The following ADD1 variants were observed in gnomAD, a reference collection of about 807,000 sequenced individuals.
ADD1 encodes the protein adducin 1, also known as alpha-adducin.
A neutral mutation model predicts 80.5 loss-of-function variants in ADD1; 24 were observed. The ratio of observed to expected loss-of-function variants is 0.30; its 90% CI spans 0.22 to 0.42. The LOEUF is 0.42. Among genes scored for constraint, ADD1 ranks in the 10% least tolerant of loss-of-function variants. The probability of loss-of-function intolerance (pLI) is 1.00; values close to 1 mark genes in which losing one functional copy is unlikely to be tolerated. For missense variants in ADD1, 948 were observed against 1,019.0 expected (o/e 0.93, Z 0.95); for synonymous variants, 373 against 393.8 (o/e 0.95, Z 0.63).
intron 2 of ADD1, among the ~76,000 whole-genome samples, chr4:2,879,313 G>T (rs1731851928): frequency 6.6e-6 from 1 of 152,142 alleles, no homozygotes; most frequent in African/African-American, 2.4e-5. Context: ...TTTATGCATA[G>T]GGCTCCTGTA....
chr4:2,900,792 G>A (rs1736048913), intron 9 of ADD1: 1 of 152,218 alleles, frequency 6.6e-6, no homozygotes, highest in Non-Finnish European at 1.5e-5. Context: ...GTGACACAGG[G>A]ACGAACAGAG....
chr4:2,848,422 T>C (rs1446319961), intron 1 of ADD1, among the ~76,000 whole-genome samples: 1 of 152,200 alleles, frequency 6.6e-6, no homozygotes, highest in African/African-American at 2.4e-5. Flanking sequence ...TGTGTAACAC[T>C]GTTTTTGATA....
chr4:2,911,448 A>ATATATTTT (rs553567632), intron 13 of ADD1, among the ~76,000 whole-genome samples: 169 of 130,484 alleles, frequency 1.3e-3, no homozygotes, highest in African/African-American at 4.9e-3. Context: ...ATATATATAT[A>ATATATTTT]TTTTTTTTTT....
chr4:2,901,855 C>CCA (rs1560218117), intron 9 of ADD1: 1 of 149,466 alleles, frequency 6.7e-6, no homozygotes, highest in South Asian at 2.1e-4. Context: ...ATTGTCCCCC[C>CCA]CCCAAAAAAA....
chr4:2,914,058 C>CAAAA (rs775339952), intron 13 of ADD1, among the ~76,000 whole-genome samples: 24,708 of 119,778 alleles, frequency 0.21, 2,354 homozygotes, highest in East Asian at 0.44. Flanking sequence ...GACTCCGTCT[C>CAAAA]AAAAAAAAAA....
chr4:2,902,107 T>TA (rs1736294084), intron 9 of ADD1: 1 of 152,174 alleles, frequency 6.6e-6, no homozygotes, highest in African/African-American at 2.4e-5. Context: ...GTCTGAGTAT[T>TA]ACTTCTGGTT....
intron 1 of ADD1, among the ~76,000 whole-genome samples, chr4:2,852,143 TTTC>T (rs1727200873): frequency 1.5e-5 from 1 of 68,382 alleles, no homozygotes; most frequent in South Asian, 5.2e-4. Context: ...GCCTCTTTTC[TTTC>T]TTTCTTTCTT....
In ADD1 at chr4:2,926,526, A is replaced by C; in HGVS notation, c.2047+414A>C. ...GTCTGTCCCTCGGTCTCGTACATCC[A>C]TGTCTCTCGTGAAGCCCGTGGCCCT... On this transcript the variant is annotated intron_variant, in intron 15 of 15. Transcript: ENST00000683351. This position sits in a 1 kb window ranked among gnomAD's most constrained non-coding sequence, Gnocchi z 5.0. 5 of 1,108,230 alleles carry C rather than the reference A, an allele frequency of 4.5e-6. No individual in the cohort carries two copies. The highest frequency in any genetic ancestry group is 6.7e-6 in the Non-Finnish European group (5 of 745,980). The allele number at this position is 1,108,230 out of a possible 1,614,324, so 68.6% of individuals were successfully genotyped here. A position where few individuals can be genotyped will look rare whatever the true frequency, so the allele number is the denominator to read the frequency against.
At chr4:2,861,546 T>C in intron 1 of ADD1, among the ~76,000 whole-genome samples, 1 of 152,202 alleles carries the variant, frequency 6.6e-6, no homozygotes. Context: ...CATTTGGACA[T>C]ACAAGTTTGG....
chr4:2,846,356 G>T (rs1726197130), intron 1 of ADD1, among the ~76,000 whole-genome samples: 1 of 152,172 alleles, frequency 6.6e-6, no homozygotes, highest in Non-Finnish European at 1.5e-5. Flanking sequence ...CTGGTGGTTA[G>T]ATCTAAAGGT....
intron 14 of ADD1, among the ~76,000 whole-genome samples, chr4:2,915,792 C>G (rs1318314868): frequency 2.0e-5 from 3 of 152,084 alleles, no homozygotes; most frequent in African/African-American, 7.2e-5. Flanking sequence ...CCATTGCACT[C>G]TAGCCTGGGC....
intron 14 of ADD1, among the ~76,000 whole-genome samples, chr4:2,917,209 T>G (rs1315151798): frequency 6.6e-6 from 1 of 152,244 alleles, no homozygotes; most frequent in East Asian, 1.9e-4. Context: ...GTTTCCTCGC[T>G]TTTTAATGAT....
chr4:2,907,074 T>C (rs1737181493), intron 10 of ADD1: 1 of 152,158 alleles, frequency 6.6e-6, no homozygotes, highest in Admixed American at 6.5e-5. Flanking sequence ...CCTTTAAATA[T>C]TAAGGACTCA....
chr4:2,906,136 G>GA (rs1202300102), intron 10 of ADD1, among the ~76,000 whole-genome samples: 1 of 152,014 alleles, frequency 6.6e-6, no homozygotes, highest in Non-Finnish European at 1.5e-5. Flanking sequence ...TTTATTTAAA[G>GA]AAAAAAAGTT....
Position 2,882,073 on chromosome 4 carries a change from T to A in ADD1, c.358+13T>A, listed in dbSNP as rs746881980. On this transcript the variant is annotated intron_variant, in intron 3 of 15. Transcript: ENST00000683351. ...GCCTTAAACATGAGTGAGTAGTTCC[T>A]GATTTTTAATATATGTTCTGTAGTT... The A allele has an allele frequency of 6.3e-7, 1 of 1,578,812 alleles. No homozygotes were observed. The highest frequency in any genetic ancestry group is 1.2e-5 in the South Asian group (1 of 84,460).
Position 2,899,411 on chromosome 4 carries a change from C to A in ADD1, c.1137C>A (p.Ala379=), listed in dbSNP as rs200470659. 2.1e-5 allele frequency: 34 copies of A among 1,614,044 alleles called. No homozygotes were observed. Among genetic ancestry groups the A allele is most frequent in the Non-Finnish European group, 2.8e-5 (33 of 1,180,038 alleles). ...KWQIGEQEFE[A]LMRMLDNLGY... ...AGATTGGTGAGCAGGAATTTGAAGC[C>A]CTCATGCGGATGCTCGATAATCTGG... The change falls in exon 9 of 16, where the codon GCC becomes GCA. Residue 379 remains alanine (A), a synonymous_variant. Transcript: ENST00000683351.
intron 12 of ADD1, 115 bp from the exon 13 acceptor site, chr4:2,909,224 T>A: frequency 1.2e-6 from 1 of 853,204 alleles, no homozygotes; most frequent in South Asian, 1.6e-5. Flanking sequence ...ACTGCCACAC[T>A]TACTGTTGAC....
In ADD1 at chr4:2,926,786, G is replaced by T. The variant is rs997325504; in HGVS notation, c.2047+674G>T. 26 of 1,281,178 alleles carry T rather than the reference G, an allele frequency of 2.0e-5. No homozygotes were observed. The highest frequency in any genetic ancestry group is 2.7e-5 in the Non-Finnish European group (25 of 917,930). The allele number at this position is 1,281,178 out of a possible 1,614,324, so 79.4% of individuals were successfully genotyped here. Reference sequence around the variant, plus strand: ...TTTCTGTTTATTTAAAATAAAAACAGAAGCCCCCCTTTTTTGTACCCAGTC... The same window carrying T: ...TTTCTGTTTATTTAAAATAAAAACATAAGCCCCCCTTTTTTGTACCCAGTC... On this transcript the variant is annotated intron_variant, in intron 15 of 15. Transcript: ENST00000683351. The surrounding 1 kb of genome is among the most constrained non-coding windows in gnomAD (Gnocchi z 5.0).
intron 1 of ADD1, among the ~76,000 whole-genome samples, chr4:2,866,679 C>T (rs544704242): frequency 1.4e-4 from 21 of 152,172 alleles, no homozygotes; most frequent in Non-Finnish European, 2.4e-4. Context: ...CCCGTGTTTA[C>T]ATTTTGATTT....
Sources: allele counts gnomAD v4.1 joint callset (sites outside exome capture counted in the v4.1 genomes callset), GRCh38; gene constraint gnomAD v4.1.1; non-coding constraint Gnocchi (gnomAD v3.1); transcripts MANE v1.5; gene names NCBI Gene and HGNC (gene_info 2026-07-23, HGNC 2026-07-21).